Variants in CNTN5 observed in about 807,000 individuals in gnomAD.
CNTN5 encodes the protein contactin 5.
Under a neutral mutation model 129.1 loss-of-function variants are expected in CNTN5, and 77 were observed. The observed-to-expected ratio is 0.60, with a 90% CI of 0.50 to 0.72. The LOEUF (loss-of-function observed/expected upper bound fraction) is 0.72. Among genes scored for constraint, CNTN5 ranks in the 30% least tolerant of loss-of-function variants. The pLI, the probability that CNTN5 is intolerant of heterozygous loss-of-function variation, is 0.00. For missense variants in CNTN5, 1,478 were observed against 1,328.8 expected (o/e 1.11, Z -1.75); for synonymous variants, 509 against 465.6 (o/e 1.09, Z -1.20).
chr11:99,263,392 A>C (rs2135830485), intron 1 of CNTN5, among the ~76,000 whole-genome samples: 1 of 152,300 alleles, frequency 6.6e-6, no homozygotes, highest in South Asian at 2.1e-4. Flanking sequence ...CAAAGTTTTA[A>C]GAATCTGACA....
intron 1 of CNTN5, among the ~76,000 whole-genome samples, chr11:99,183,220 T>G (rs968760278): frequency 6.6e-6 from 1 of 152,180 alleles, no homozygotes; most frequent in Admixed American, 6.5e-5. Flanking sequence ...TTTTCTCATC[T>G]TCCTGCTTAT....
At chr11:99,578,490 G>A (rs1178147203) in intron 3 of CNTN5, among the ~76,000 whole-genome samples, 1 of 150,194 alleles carries the variant, frequency 6.7e-6, no homozygotes, top group Non-Finnish European at 1.5e-5. Context: ...TCCAGCACCT[G>A]TTGTTTCCTG....
chr11:99,901,563 G>T (rs1339079186), intron 6 of CNTN5, among the ~76,000 whole-genome samples: 1 of 152,052 alleles, frequency 6.6e-6, no homozygotes, highest in African/African-American at 2.4e-5. Context: ...AAAGTGCTGT[G>T]ATTACAGGCA....
Position 99,434,206 on chromosome 11 carries a change from T to C in CNTN5, c.-71+108722T>C, listed in dbSNP as rs1185635064. Among the ~76,000 whole-genome samples the C allele has an allele frequency of 2.0e-5, 3 of 152,290 alleles. No homozygotes were observed. In the East Asian group the frequency reaches 5.8e-4, roughly 29 times the overall value. ...ATTATTTGGCACCACAGCCTTAATT[T>C]CCTCTTCAATATTGTGGAAAAATAT... On this transcript the variant is annotated intron_variant, in intron 2 of 24. Coordinates refer to ENST00000524871, the MANE Select transcript of CNTN5 (RefSeq NM_014361.4).
At chr11:99,168,656 C>T (rs1163812429) in intron 1 of CNTN5, among the ~76,000 whole-genome samples, 2 of 151,990 alleles carry the variant, frequency 1.3e-5, no homozygotes, top group Admixed American at 1.3e-4. Context: ...TCGTAACTAC[C>T]TTTGATAAGA....
At chr11:99,435,895 T>C (rs936645191) in intron 2 of CNTN5, among the ~76,000 whole-genome samples, 1 of 152,206 alleles carries the variant, frequency 6.6e-6, no homozygotes, top group African/African-American at 2.4e-5. Context: ...TGGTAACAAA[T>C]TGTAGTTCTG....
At chr11:99,696,967 C>T (rs1434773347) in intron 3 of CNTN5, among the ~76,000 whole-genome samples, 2 of 151,838 alleles carry the variant, frequency 1.3e-5, no homozygotes, top group Non-Finnish European at 2.9e-5. Context: ...AAGTGCTTTA[C>T]AGAACCAAAC....
chr11:100,090,800 A>C (rs1365149198), intron 13 of CNTN5, among the ~76,000 whole-genome samples: 1 of 151,776 alleles, frequency 6.6e-6, no homozygotes, highest in African/African-American at 2.4e-5. Context: ...ATCAATTTTT[A>C]CCACAGAAAT....
At chr11:99,731,169 C>T (rs1027262937) in intron 3 of CNTN5, among the ~76,000 whole-genome samples, 1 of 151,420 alleles carries the variant, frequency 6.6e-6, no homozygotes, top group African/African-American at 2.4e-5. Context: ...AGTGCAGTGG[C>T]GCGATCTCGG....
At chr11:100,192,084 G>C (rs899509373) in intron 14 of CNTN5, among the ~76,000 whole-genome samples, 1 of 151,898 alleles carries the variant, frequency 6.6e-6, no homozygotes, top group Middle Eastern at 3.2e-3. Context: ...TTTTAGAAGA[G>C]AGAACATCAA....
At chr11:100,336,043 AC>A (rs1173150722) in intron 21 of CNTN5, among the ~76,000 whole-genome samples, 7 of 152,358 alleles carry the variant, frequency 4.6e-5, no homozygotes, top group Non-Finnish European at 8.8e-5. Flanking sequence ...AAAATCATTC[AC>A]AAACCTAAGA....
chr11:99,803,913 G>A (rs1412433148), intron 3 of CNTN5, among the ~76,000 whole-genome samples: 1 of 152,122 alleles, frequency 6.6e-6, no homozygotes, highest in Non-Finnish European at 1.5e-5. Context: ...ACGAACTCTT[G>A]CTCTTTCCAA....
chr11:99,401,392 G>C (rs973925632), intron 2 of CNTN5, among the ~76,000 whole-genome samples: 4 of 151,970 alleles, frequency 2.6e-5, no homozygotes, highest in Non-Finnish European at 5.9e-5. Flanking sequence ...TTCACTGTAG[G>C]TATGTGGATT....
intron 8 of CNTN5, among the ~76,000 whole-genome samples, chr11:99,963,506 T>C (rs1250133747): frequency 6.6e-6 from 1 of 152,100 alleles, no homozygotes; most frequent in African/African-American, 2.4e-5. Context: ...TGTTCTGTTC[T>C]GTTGGTCTAT....
intron 2 of CNTN5, among the ~76,000 whole-genome samples, chr11:99,417,907 CATT>C (rs1942730382): frequency 6.6e-6 from 1 of 152,102 alleles, no homozygotes; most frequent in Admixed American, 6.6e-5. Flanking sequence ...ATTGTGGTAA[CATT>C]AGAAAAGTTT....
intron 2 of CNTN5, among the ~76,000 whole-genome samples, chr11:99,362,722 C>T (rs1373193345): frequency 6.6e-6 from 1 of 151,542 alleles, no homozygotes; most frequent in African/African-American, 2.4e-5. Flanking sequence ...ACAGGTCCAA[C>T]TTCATTATCT....
chr11:99,671,182 A>C (rs1204549088), intron 3 of CNTN5, among the ~76,000 whole-genome samples: 2 of 147,468 alleles, frequency 1.4e-5, no homozygotes, highest in African/African-American at 5.0e-5. Flanking sequence ...TCTACTTCTC[A>C]TACTGTATGG....
chr11:99,083,951 G>A (rs1865903290), intron 1 of CNTN5, among the ~76,000 whole-genome samples: 1 of 152,076 alleles, frequency 6.6e-6, no homozygotes. Flanking sequence ...TCTTTATTAA[G>A]AGTTTATCAC....
chr11:99,225,512 C>T (rs7118993), intron 1 of CNTN5, among the ~76,000 whole-genome samples: 4 of 152,006 alleles, frequency 2.6e-5, no homozygotes, highest in African/African-American at 9.7e-5. Flanking sequence ...ATAATCATTA[C>T]ATTCTATCAT....
Sources: allele counts gnomAD v4.1 joint callset (sites outside exome capture counted in the v4.1 genomes callset), GRCh38; gene constraint gnomAD v4.1.1; transcripts MANE v1.5; gene names NCBI Gene and HGNC (gene_info 2026-07-23, HGNC 2026-07-21).